The following FGF13 variants were observed in gnomAD, a reference collection of about 807,000 sequenced individuals.
FGF13 encodes the protein fibroblast growth factor 13, also known as fibroblast growth factor homologous factor 2.
A neutral mutation model predicts 19.5 loss-of-function variants in FGF13; 2 were observed. The observed-to-expected ratio is 0.10, with a 90% CI of 0.04 to 0.32. FGF13 has a LOEUF of 0.32. Among genes scored for constraint, FGF13 ranks in the 10% least tolerant of loss-of-function variants. The pLI is 1.00. For synonymous variants in FGF13, 72 were observed against 76.9 expected (o/e 0.94, Z 0.33); for missense variants, 113 against 192.7 (o/e 0.59, Z 2.45).
intron 1 of FGF13, among the ~76,000 whole-genome samples, chrX:139,078,812 C>T (rs777657079): frequency 2.1e-4 from 24 of 112,616 alleles, no homozygotes; most frequent in South Asian, 7.2e-4. Context: ...TAAATATACC[C>T]GCTAACGTTT....
At position 138,620,377 on chromosome X, in the gene FGF13, C is replaced by T. The variant is rs1178123002; in HGVS notation, c.*12473G>A. On this transcript the variant is annotated 3_prime_UTR_variant, in exon 5 of 5. Coordinates refer to ENST00000315930, the MANE Select transcript of FGF13 (RefSeq NM_004114.5). Reference sequence around the variant, plus strand: ...AATAGCTAATGCATGCTTGGCTGAACACCTCAGTGATGGGTTGAAGGTGCA... The same window carrying T: ...AATAGCTAATGCATGCTTGGCTGAATACCTCAGTGATGGGTTGAAGGTGCA... The T allele has an allele frequency of 9.0e-6, 1 of 110,864 alleles. No individual in the cohort carries two copies. Among genetic ancestry groups the T allele is most frequent in the African/African-American group, 3.3e-5 (1 of 30,412 alleles). The allele number at this position is 110,864 out of a possible 1,213,427, so 9.1% of individuals were successfully genotyped here.
chrX:138,880,985 G>T (rs1449140379), intron 1 of FGF13, among the ~76,000 whole-genome samples: 2 of 111,646 alleles, frequency 1.8e-5, no homozygotes, highest in African/African-American at 6.5e-5. Flanking sequence ...TTTTGATAGG[G>T]ATTGCACTGA....
intron 1 of FGF13, among the ~76,000 whole-genome samples, chrX:139,145,053 C>T (rs940780142): frequency 1.3e-4 from 15 of 111,765 alleles, no homozygotes; most frequent in Non-Finnish European, 2.1e-4. Context: ...CAAAACAACA[C>T]GGTTTTGTAT....
chrX:138,861,875 C>T (rs1247192126), intron 2 of FGF13, among the ~76,000 whole-genome samples: 1 of 111,274 alleles, frequency 9.0e-6, no homozygotes, highest in Non-Finnish European at 1.9e-5. Flanking sequence ...TGGTGGCACA[C>T]GCCTGTAATC....
At chrX:138,742,883 G>C (rs975959781), upstream of FGF13, among the ~76,000 whole-genome samples, 2 of 112,009 alleles carry the variant, frequency 1.8e-5, no homozygotes, top group African/African-American at 6.5e-5. Flanking sequence ...TTTGTAGTAC[G>C]TTGTTTACTT....
chrX:138,694,986 AACAC>A (rs745359063), intron 3 of FGF13, among the ~76,000 whole-genome samples: 3,710 of 84,663 alleles, frequency 0.044, 93 homozygotes, highest in Middle Eastern at 0.079. Context: ...TACTAGTTGA[AACAC>A]ACACACACAC....
chrX:138,839,940 A>G (rs2091138188), intron 3 of FGF13, among the ~76,000 whole-genome samples: 2 of 112,011 alleles, frequency 1.8e-5, no homozygotes, highest in Admixed American at 1.9e-4. Flanking sequence ...AAAATGGGAT[A>G]AAATATCTAC....
At position 138,720,177 on chromosome X, in the gene FGF13, C is replaced by T. The variant is rs190823493; in HGVS notation, c.29-11249G>A. On this transcript the variant is annotated intron_variant, in intron 1 of 4. Transcript: ENST00000305414. ...TGTTCTTGAAAACTGCAATTTTAAG[C>T]GAAATGACATAACGAAACCAAATTT... 8.9e-5 allele frequency among the ~76,000 whole-genome samples: 10 copies of T among 111,923 alleles called. No individual in the cohort carries two copies. The East Asian group carries it at 1.1e-3, about 13-fold the overall frequency.
At chrX:138,719,250 T>A (rs2090131137) in intron 1 of FGF13, among the ~76,000 whole-genome samples, 2 of 112,065 alleles carry the variant, frequency 1.8e-5, no homozygotes, top group Non-Finnish European at 1.9e-5. Flanking sequence ...TCTAATCAGT[T>A]TTTTTTTCTT....
At chrX:138,977,831 C>G (rs979728188) in intron 1 of FGF13, among the ~76,000 whole-genome samples, 5 of 112,172 alleles carry the variant, frequency 4.5e-5, no homozygotes, top group Admixed American at 9.5e-5. Context: ...GTTTACTATT[C>G]AAAGATTTAA....
rs1569419135 is a variant in FGF13 at position 138,892,032 on chromosome X, G to GTGTA, written c.-112-27383_-112-27382insTACA. Reference sequence around the variant, plus strand: ...TGTGTGTGTGTGTGTGTGTGTGTGTGTATTATCTCCTACTAGTTCTGTCCC... The same window carrying GTGTA: ...TGTGTGTGTGTGTGTGTGTGTGTGTGTGTATATTATCTCCTACTAGTTCTGTCCC... On this transcript the variant is annotated intron_variant, in intron 1 of 2. Transcript: ENST00000421460. Among the ~76,000 whole-genome samples, 74 of 108,343 alleles carry GTGTA rather than the reference G, an allele frequency of 6.8e-4. 1 individual carries two copies. The highest frequency in any genetic ancestry group is 2.3e-3 in the African/African-American group (67 of 29,213). The allele number at this position is 108,343 out of a possible 115,157, so 94.1% of individuals were successfully genotyped here.
At chrX:138,693,093 G>GA (rs1388356067) in intron 3 of FGF13, among the ~76,000 whole-genome samples, 1 of 111,632 alleles carries the variant, frequency 9.0e-6, no homozygotes. Flanking sequence ...TCCATAAAGA[G>GA]AAAATAGGTA....
intron 1 of FGF13, among the ~76,000 whole-genome samples, chrX:139,022,745 T>C (rs1394567554): frequency 1.8e-5 from 2 of 111,088 alleles, no homozygotes; most frequent in Admixed American, 1.9e-4. Context: ...GCCTCTGCAA[T>C]CATTTTAAAA....
At chrX:138,680,694 G>T (rs1006650937) in intron 3 of FGF13, among the ~76,000 whole-genome samples, 2 of 111,707 alleles carry the variant, frequency 1.8e-5, no homozygotes, top group Non-Finnish European at 3.8e-5. Context: ...TAGAAGTAGA[G>T]TCATAATTCT....
intron 1 of FGF13, among the ~76,000 whole-genome samples, chrX:139,163,476 G>C (rs1027007064): frequency 1.8e-5 from 2 of 110,643 alleles, no homozygotes. Context: ...AACCACCATG[G>C]CACGTGTATA....
chrX:138,874,540 G>T (rs753616012), intron 1 of FGF13, among the ~76,000 whole-genome samples: 1 of 111,539 alleles, frequency 9.0e-6, no homozygotes, highest in Non-Finnish European at 1.9e-5. Context: ...ATCACTTGAC[G>T]CAAGTCTCTA....
At chrX:138,746,177 T>C (rs2090354048) in intron 3 of FGF13, among the ~76,000 whole-genome samples, 1 of 111,122 alleles carries the variant, frequency 9.0e-6, no homozygotes, top group African/African-American at 3.3e-5. Context: ...GAAGCCAGTT[T>C]AAGGAGTTTG....
intron 1 of FGF13, among the ~76,000 whole-genome samples, chrX:139,018,629 C>T (rs920142976): frequency 1.8e-5 from 2 of 111,203 alleles, no homozygotes; most frequent in African/African-American, 3.3e-5. Flanking sequence ...GCTGAGGAGA[C>T]TCTGTCCAGG....
intron 1 of FGF13, among the ~76,000 whole-genome samples, chrX:138,736,328 T>C (rs965504626): frequency 8.9e-6 from 1 of 112,439 alleles, no homozygotes; most frequent in Non-Finnish European, 1.9e-5. Flanking sequence ...GAAACCCAAA[T>C]TGAAGATGGT....
Sources: allele counts gnomAD v4.1 joint callset (sites outside exome capture counted in the v4.1 genomes callset), GRCh38; gene constraint gnomAD v4.1.1; transcripts MANE v1.5; gene names NCBI Gene and HGNC (gene_info 2026-07-23, HGNC 2026-07-21).